RABGAP1L: variants seen among roughly 807,000 people sequenced by gnomAD.
RABGAP1L encodes rab GTPase-activating protein 1-like.
A neutral mutation model predicts 137.7 loss-of-function variants in RABGAP1L; 63 were observed. The ratio of observed to expected loss-of-function variants is 0.46; its 90% CI spans 0.37 to 0.56. RABGAP1L has a LOEUF of 0.56. RABGAP1L is among the 20% of genes least tolerant of loss of function. The probability of loss-of-function intolerance (pLI) is 0.00; values close to 1 mark genes in which losing one functional copy is unlikely to be tolerated. For missense variants in RABGAP1L, 1,095 were observed against 1,244.0 expected (o/e 0.88, Z 1.80); for synonymous variants, 431 against 433.7 (o/e 0.99, Z 0.08).
chr1:174,493,093 A>G (rs1480063570), intron 13 of RABGAP1L, among the ~76,000 whole-genome samples: 1 of 149,942 alleles, frequency 6.7e-6, no homozygotes, highest in Non-Finnish European at 1.5e-5. Context: ...AGGCACAGTG[A>G]CTCACACCTG....
chr1:174,772,862 A>G (rs1686233540), intron 18 of RABGAP1L, among the ~76,000 whole-genome samples: 3 of 152,090 alleles, frequency 2.0e-5, no homozygotes, highest in African/African-American at 7.2e-5. Flanking sequence ...GGCATATTTC[A>G]CTTAGCATAG....
In RABGAP1L at chr1:174,278,796, C is replaced by T. The variant is rs1247480378; in HGVS notation, c.1323+17C>T. The T allele has an allele frequency of 1.3e-6, 2 of 1,494,328 alleles. No homozygotes were observed. The highest frequency in any genetic ancestry group is 1.8e-6 in the Non-Finnish European group (2 of 1,125,732). The allele number at this position is 1,494,328 out of a possible 1,614,324, so 92.6% of individuals were successfully genotyped here. A position where few individuals can be genotyped will look rare whatever the true frequency, so the allele number is the denominator to read the frequency against. ...TTGAAACAGGTAGGACCTTTTTGTT[C>T]TCTTCATATATAGTAACAAACATTT... On this transcript the variant is annotated intron_variant, in intron 10 of 25. Coordinates refer to ENST00000681986, the MANE Select transcript of RABGAP1L (RefSeq NM_001366446.1).
At chr1:174,225,494 CTTTTTTT>C (rs59323156) in intron 3 of RABGAP1L, among the ~76,000 whole-genome samples, 30 of 105,732 alleles carry the variant, frequency 2.8e-4, no homozygotes, top group Non-Finnish European at 4.9e-4. Context: ...AGAATGTTGA[CTTTTTTT>C]TTTTTTTTTT....
chr1:174,317,392 C>T (rs1386302249), intron 11 of RABGAP1L, among the ~76,000 whole-genome samples: 1 of 152,038 alleles, frequency 6.6e-6, no homozygotes, highest in Non-Finnish European at 1.5e-5. Context: ...TTTTTTCCTT[C>T]AAGGCAGTGG....
At chr1:174,833,368 TTGTGTG>T (rs71117578) in intron 19 of RABGAP1L, among the ~76,000 whole-genome samples, 40,085 of 106,338 alleles carry the variant, frequency 0.38, 10,359 homozygotes, top group Admixed American at 0.49. Context: ...ACCAGCTAAT[TTGTGTG>T]TGTGTGTGTG....
chr1:174,724,941 G>A (rs1208876494), intron 17 of RABGAP1L, among the ~76,000 whole-genome samples: 1 of 152,152 alleles, frequency 6.6e-6, no homozygotes, highest in Non-Finnish European at 1.5e-5. Context: ...TGAGGCTCTT[G>A]GGTGGCAGGT....
intron 17 of RABGAP1L, among the ~76,000 whole-genome samples, chr1:174,747,999 T>C (rs1684020990): frequency 6.6e-6 from 1 of 152,202 alleles, no homozygotes; most frequent in African/African-American, 2.4e-5. Flanking sequence ...TTGCTACTTG[T>C]AATATCTATA....
chr1:174,574,164 A>G (rs1040942157), intron 13 of RABGAP1L, among the ~76,000 whole-genome samples: 3 of 152,208 alleles, frequency 2.0e-5, no homozygotes, highest in Non-Finnish European at 4.4e-5. Flanking sequence ...CAATTATTCT[A>G]TAATTAGAAA....
chr1:174,476,349 A>C (rs930634305), intron 13 of RABGAP1L, among the ~76,000 whole-genome samples: 6 of 152,244 alleles, frequency 3.9e-5, no homozygotes, highest in African/African-American at 1.2e-4. Flanking sequence ...AAGATATTTC[A>C]TTCAAATTTG....
chr1:174,642,693 GTCTC>G (rs768491657), intron 14 of RABGAP1L, among the ~76,000 whole-genome samples: 1 of 119,786 alleles, frequency 8.3e-6, no homozygotes, highest in Non-Finnish European at 1.7e-5. Flanking sequence ...TCCTTTCTCT[GTCTC>G]TCTCTCTTTT....
At chr1:174,800,927 A>G (rs1273919828) in intron 18 of RABGAP1L, among the ~76,000 whole-genome samples, 2 of 152,180 alleles carry the variant, frequency 1.3e-5, no homozygotes, top group Non-Finnish European at 2.9e-5. Flanking sequence ...TTAGATTGCC[A>G]ATTTGATTGT....
intron 17 of RABGAP1L, among the ~76,000 whole-genome samples, chr1:174,738,426 T>G (rs1259335130): frequency 6.6e-6 from 1 of 152,216 alleles, no homozygotes; most frequent in Non-Finnish European, 1.5e-5. Context: ...TTTTTCTTAT[T>G]TGACTTCTCT....
chr1:174,530,835 A>ATACATACG (rs1427854747), intron 13 of RABGAP1L, among the ~76,000 whole-genome samples: 1 of 126,374 alleles, frequency 7.9e-6, no homozygotes, highest in South Asian at 2.2e-4. Flanking sequence ...ACATACATAC[A>ATACATACG]TACGTACGTT....
At chr1:174,878,691 C>G (rs1408741919) in intron 19 of RABGAP1L, among the ~76,000 whole-genome samples, 1 of 151,746 alleles carries the variant, frequency 6.6e-6, no homozygotes, top group African/African-American at 2.4e-5. Context: ...ATGGCTATTT[C>G]TTGAAACAAC....
chr1:174,638,933 G>T (rs1315075166), intron 14 of RABGAP1L, among the ~76,000 whole-genome samples: 1 of 142,022 alleles, frequency 7.0e-6, no homozygotes, highest in Non-Finnish European at 1.5e-5. Context: ...TATACCTAAT[G>T]CTAGATGACG....
chr1:174,623,864 A>G (rs1672736622), intron 13 of RABGAP1L, among the ~76,000 whole-genome samples: 1 of 152,178 alleles, frequency 6.6e-6, no homozygotes, highest in Admixed American at 6.5e-5. Flanking sequence ...GTCACCTATT[A>G]CTAGCCAGTG....
intron 14 of RABGAP1L, among the ~76,000 whole-genome samples, chr1:174,668,978 TC>T (rs1360133534): frequency 6.6e-6 from 1 of 152,196 alleles, no homozygotes; most frequent in African/African-American, 2.4e-5. Flanking sequence ...TGATTTGAGT[TC>T]CTCATATAAT....
At chr1:174,600,679 A>G (rs1171480044) in intron 13 of RABGAP1L, among the ~76,000 whole-genome samples, 1 of 152,190 alleles carries the variant, frequency 6.6e-6, no homozygotes, top group African/African-American at 2.4e-5. Context: ...ACACTGATGC[A>G]AGAGGTGGGT....
chr1:174,370,869 G>T, intron 11 of RABGAP1L, 110 bp from the exon 12 acceptor site: 2 of 465,718 alleles, frequency 4.3e-6, no homozygotes, highest in South Asian at 7.4e-5. Flanking sequence ...GTAATAATAT[G>T]AAGAGAAGCT....
Sources: allele counts gnomAD v4.1 joint callset (sites outside exome capture counted in the v4.1 genomes callset), GRCh38; gene constraint gnomAD v4.1.1; transcripts MANE v1.5; gene names NCBI Gene and HGNC (gene_info 2026-07-23, HGNC 2026-07-21).